The following RANBP17 variants were observed in gnomAD, a reference collection of about 807,000 sequenced individuals.
RANBP17 encodes ran-binding protein 17.
In RANBP17, 158 loss-of-function variants were observed where a neutral mutation model predicts 141.2. The ratio of observed to expected loss-of-function variants is 1.12; its 90% CI spans 0.98 to 1.28. The LOEUF (loss-of-function observed/expected upper bound fraction) is 1.28, where lower values mean the gene tolerates loss of function less well. Among genes scored for constraint, RANBP17 ranks in the 50% most tolerant of loss-of-function variants. RANBP17 has a pLI of 0.00. For missense variants in RANBP17, 1,438 were observed against 1,290.7 expected, an observed-to-expected ratio of 1.11 and a Z score of -1.75; for synonymous variants, 430 against 450.0, an observed-to-expected ratio of 0.96 and a Z score of 0.56.
intron 26 of RANBP17, among the ~76,000 whole-genome samples, chr5:171,295,125 T>C (rs1196850461): frequency 1.3e-5 from 2 of 152,200 alleles, no homozygotes; most frequent in African/African-American, 4.8e-5. Context: ...TATCATGCTT[T>C]TGGGGCTGGG....
intron 18 of RANBP17, among the ~76,000 whole-genome samples, chr5:171,186,924 T>A (rs1761297494): frequency 3.9e-5 from 6 of 152,178 alleles, no homozygotes; most frequent in Admixed American, 3.9e-4. Flanking sequence ...TTCAATAATT[T>A]TTCCTTTGCA....
chr5:170,932,293 TAAG>T (rs1482548157), intron 12 of RANBP17, among the ~76,000 whole-genome samples: 1 of 152,220 alleles, frequency 6.6e-6, no homozygotes, highest in African/African-American at 2.4e-5. Context: ...CTTATCAGCT[TAAG>T]GAGATTTTGG....
chr5:170,926,176 G>A (rs983190935), intron 12 of RANBP17, among the ~76,000 whole-genome samples: 4 of 119,900 alleles, frequency 3.3e-5, no homozygotes, highest in East Asian at 5.5e-4. Flanking sequence ...GGTCTCCATC[G>A]CAACTACTCA....
At chr5:170,933,034 C>G (rs1003671050) in intron 12 of RANBP17, among the ~76,000 whole-genome samples, 8 of 152,254 alleles carry the variant, frequency 5.3e-5, no homozygotes, top group African/African-American at 1.9e-4. Context: ...GTGAATCCAT[C>G]TGGTCCTGGA....
chr5:171,101,676 G>C (rs965280681), intron 14 of RANBP17, among the ~76,000 whole-genome samples: 2 of 152,182 alleles, frequency 1.3e-5, no homozygotes, highest in African/African-American at 4.8e-5. Flanking sequence ...AGTTGATGCA[G>C]TTTCTTCAAT....
intron 14 of RANBP17, among the ~76,000 whole-genome samples, chr5:171,159,065 C>T (rs190519933): frequency 3.2e-4 from 49 of 152,260 alleles, no homozygotes; most frequent in African/African-American, 1.1e-3. Flanking sequence ...TACATTTTCT[C>T]ATTTAGTCTT....
intron 1 of RANBP17, among the ~76,000 whole-genome samples, chr5:170,866,074 A>G (rs1375897424): frequency 2.6e-5 from 4 of 152,194 alleles, no homozygotes; most frequent in Admixed American, 2.6e-4. Context: ...GTTTGAAATC[A>G]GTCCTAGGTT....
intron 14 of RANBP17, among the ~76,000 whole-genome samples, chr5:171,116,645 C>G (rs1248522788): frequency 6.6e-6 from 1 of 152,116 alleles, no homozygotes; most frequent in Non-Finnish European, 1.5e-5. Flanking sequence ...GCATATCCAT[C>G]ATCTCAAACA....
chr5:170,962,583 A>G (rs1776233164), intron 13 of RANBP17, among the ~76,000 whole-genome samples: 2 of 152,230 alleles, frequency 1.3e-5, no homozygotes, highest in African/African-American at 2.4e-5. Flanking sequence ...ATATCTATTT[A>G]TTTAACTAAA....
At chr5:171,011,958 T>A (rs193247160) in intron 14 of RANBP17, among the ~76,000 whole-genome samples, 1 of 152,034 alleles carries the variant, frequency 6.6e-6, no homozygotes, top group Non-Finnish European at 1.5e-5. Flanking sequence ...TCCAAGCCAC[T>A]GTTTTGTAGA....
intron 1 of RANBP17, among the ~76,000 whole-genome samples, chr5:170,866,396 C>T (rs548500130): frequency 2.9e-4 from 44 of 151,650 alleles, no homozygotes; most frequent in East Asian, 2.3e-3. Context: ...ACACTTAGGC[C>T]GGGCATGGTG....
At chr5:171,139,286 T>G (rs1757535584) in intron 14 of RANBP17, among the ~76,000 whole-genome samples, 1 of 152,072 alleles carries the variant, frequency 6.6e-6, no homozygotes, top group East Asian at 1.9e-4. Flanking sequence ...TTAAAATAAT[T>G]TTATATAGTT....
chr5:171,259,797 A>G (rs1168249443), intron 24 of RANBP17, among the ~76,000 whole-genome samples: 1 of 152,034 alleles, frequency 6.6e-6, no homozygotes, highest in South Asian at 2.1e-4. Flanking sequence ...CCTGGCCAAC[A>G]TGGTGAAACC....
intron 19 of RANBP17, among the ~76,000 whole-genome samples, chr5:171,202,660 T>A (rs1762359960): frequency 1.3e-5 from 2 of 152,290 alleles, no homozygotes; most frequent in South Asian, 4.1e-4. Context: ...TAAAGGCAGA[T>A]GAAAACACTC....
intron 14 of RANBP17, among the ~76,000 whole-genome samples, chr5:171,126,255 T>C (rs913120718): frequency 8.5e-5 from 13 of 152,238 alleles, no homozygotes; most frequent in African/African-American, 3.1e-4. Flanking sequence ...AGGAAATTTT[T>C]AAAAACTCTT....
chr5:171,240,629 A>G (rs1235204610), intron 22 of RANBP17, among the ~76,000 whole-genome samples: 1 of 149,394 alleles, frequency 6.7e-6, no homozygotes, highest in East Asian at 2.0e-4. Context: ...GAATAGTCTT[A>G]AGAGTACAAC....
intron 12 of RANBP17, among the ~76,000 whole-genome samples, chr5:170,931,265 T>G (rs550975468): frequency 2.6e-5 from 4 of 152,334 alleles, no homozygotes; most frequent in African/African-American, 9.6e-5. Context: ...GTTGTTTGAT[T>G]TTTTCTTGTA....
chr5:171,164,418 G>T (rs1314756647), intron 14 of RANBP17, among the ~76,000 whole-genome samples: 1 of 152,002 alleles, frequency 6.6e-6, no homozygotes, highest in African/African-American at 2.4e-5. Context: ...GTTTATGTCC[G>T]CATCTGTTTT....
At chr5:171,248,510 A>G (rs1223406866) in intron 24 of RANBP17, among the ~76,000 whole-genome samples, 3 of 152,220 alleles carry the variant, frequency 2.0e-5, no homozygotes, top group African/African-American at 7.2e-5. Context: ...GAACTTAGGC[A>G]GTCCACGTGC....
Sources: allele counts gnomAD v4.1 joint callset (sites outside exome capture counted in the v4.1 genomes callset), GRCh38; gene constraint gnomAD v4.1.1; transcripts MANE v1.5; gene names NCBI Gene and HGNC (gene_info 2026-07-23, HGNC 2026-07-21).